TUBA8: variants seen among roughly 807,000 people sequenced by gnomAD.
TUBA8 encodes tubulin alpha-8 chain.
A neutral mutation model predicts 34.7 loss-of-function variants in TUBA8; 29 were observed. The ratio of observed to expected loss-of-function variants is 0.84; its 90% confidence interval spans 0.62 to 1.14. The LOEUF (loss-of-function observed/expected upper bound fraction) is 1.14. Ranked by LOEUF, TUBA8 falls within the 50% of genes most tolerant of loss-of-function variation. The pLI, the probability that TUBA8 is intolerant of heterozygous loss-of-function variation, is 0.00. For synonymous variants in TUBA8, 226 were observed against 231.2 expected (o/e 0.98, Z 0.21); for missense variants, 541 against 599.2 (o/e 0.90, Z 1.01).
intron 1 of TUBA8, chr22:18,112,968 C>G (rs1927857854): frequency 6.6e-6 from 1 of 152,270 alleles, no homozygotes. Flanking sequence ...GGCTGCTGTC[C>G]TGTCCCCTTC....
In TUBA8 at chr22:18,119,902, C is replaced by T. The variant is rs995921004; in HGVS notation, c.4-1577C>T. 4 of 152,260 alleles carry T rather than the reference C, an allele frequency of 2.6e-5. No individual in the cohort carries two copies. Among genetic ancestry groups the T allele is most frequent in the East Asian group, 1.9e-4 (1 of 5,194 alleles). 9.4% of individuals were successfully genotyped at this position (152,260 alleles called of 1,614,324 possible). A position where few individuals can be genotyped will look rare whatever the true frequency, so the allele number is the denominator to read the frequency against. The stretch of plus-strand genomic sequence containing the variant: ...GGCTCTGCCCCTGGCTTGGGTTACC[C>T]GGAGCTGGAAAATGCCAGGGCAGGT... On this transcript the variant is annotated intron_variant, in intron 1 of 4. Transcript: ENST00000330423. This position sits in a 1 kb window ranked among gnomAD's most constrained non-coding sequence, Gnocchi z 5.9.
At position 18,111,100 on chromosome 22, in the gene TUBA8, A is replaced by G; in HGVS notation, c.3+232A>G. 1 of 637,484 alleles carries G rather than the reference A, an allele frequency of 1.6e-6. No homozygotes were observed. Among genetic ancestry groups the G allele is most frequent in the Non-Finnish European group, 2.7e-6 (1 of 372,496 alleles). 39.5% of individuals were successfully genotyped at this position (637,484 alleles called of 1,614,324 possible). On this transcript the variant is annotated intron_variant, in intron 1 of 4. Coordinates refer to ENST00000330423, the MANE Select transcript of TUBA8 (RefSeq NM_018943.3). This position sits in a 1 kb window ranked among gnomAD's most constrained non-coding sequence, Gnocchi z 5.1. The stretch of plus-strand genomic sequence containing the variant: ...GCCAGTTGTTCCTTAAAGGGACCTA[A>G]GGGAGCTTTGCGTGCAGACGAGGGG...
At chr22:18,116,465 C>T (rs944671953) in intron 1 of TUBA8, 3 of 152,162 alleles carry the variant, frequency 2.0e-5, no homozygotes, top group African/African-American at 4.8e-5. Flanking sequence ...TGAATTTGTC[C>T]CTTTTCCTCT....
Position 18,111,120 on chromosome 22 carries a change from G to T in TUBA8, c.3+252G>T, listed in dbSNP as rs934861761. The T allele has an allele frequency of 6.7e-6, 4 of 596,278 alleles. No individual in the cohort carries two copies. Among genetic ancestry groups the T allele is most frequent in the South Asian group, 2.1e-5 (1 of 47,294 alleles). 36.9% of individuals were successfully genotyped at this position (596,278 alleles called of 1,614,324 possible). A position where few individuals can be genotyped will look rare whatever the true frequency, so the allele number is the denominator to read the frequency against. ...ACCTAAGGGAGCTTTGCGTGCAGAC[G>T]AGGGGGAGGGAGGCCCTGGGGAGCC... On this transcript the variant is annotated intron_variant, in intron 1 of 4. Transcript: ENST00000330423. This position sits in a 1 kb window ranked among gnomAD's most constrained non-coding sequence, Gnocchi z 5.1.
Position 18,126,690 on chromosome 22 carries a change from A to G in TUBA8, c.712A>G (p.Ile238Val), listed in dbSNP as rs557317819. Residue 238 changes from isoleucine to valine, a missense_variant, in exon 4 of 5, where the codon ATC (isoleucine) becomes GTC (valine). Coordinates refer to ENST00000330423, the MANE Select transcript of TUBA8 (RefSeq NM_018943.3). The surrounding 1 kb of genome is among the most constrained non-coding windows in gnomAD (Gnocchi z 4.0). ...NRLISQIVSS[I>V]TASLRFDGAL... ...CCTCATCAGTCAGATTGTGTCCTCA[A>G]TCACTGCTTCTCTCCGCTTTGACGG... 4.3e-6 allele frequency: 7 copies of G among 1,614,070 alleles called. No individual in the cohort carries two copies. The African/African-American group carries it at 8.0e-5, about 18-fold the overall frequency.
At position 18,126,822 on chromosome 22, in the gene TUBA8, T is replaced by C; in HGVS notation, c.844T>C (p.Tyr282His). ...GCCCATCATCTCTGCCGAGAAAGCC[T>C]ATCACGAACAGCTCTCTGTGGCCGA... ...YAPIISAEKA[Y>H]HEQLSVAEIT... The change falls in exon 4 of 5, where the codon TAT (tyrosine) becomes CAT (histidine). Residue 282 changes from tyrosine (Y) to histidine (H), a missense_variant. Coordinates refer to ENST00000330423, the MANE Select transcript of TUBA8 (RefSeq NM_018943.3). The surrounding 1 kb of genome is among the most constrained non-coding windows in gnomAD (Gnocchi z 4.0). 6.2e-7 allele frequency: 1 copy of C among 1,613,596 alleles called. No homozygotes were observed. Among genetic ancestry groups the C allele is most frequent in the Non-Finnish European group, 8.5e-7 (1 of 1,179,608 alleles).
Position 18,124,451 on chromosome 22 carries a change from G to T in TUBA8, c.375+147G>T. 1 of 971,934 alleles carries T rather than the reference G, an allele frequency of 1.0e-6. No homozygotes were observed. The highest frequency in any genetic ancestry group is 1.7e-5 in the South Asian group (1 of 57,874). 60.2% of individuals were successfully genotyped at this position (971,934 alleles called of 1,614,324 possible). On this transcript the variant is annotated intron_variant, in intron 3 of 4. Transcript: ENST00000330423. This position sits in a 1 kb window ranked among gnomAD's most constrained non-coding sequence, Gnocchi z 4.3. ...GTTTGGGAATTTCTGCTTAAATTCT[G>T]TAAGAAGCATGCACAGGGGTGATGC...
rs1891487898 is a variant in TUBA8 at position 18,124,417 on chromosome 22, G to T, written c.375+113G>T. On this transcript the variant is annotated intron_variant, in intron 3 of 4. Coordinates refer to ENST00000330423, the MANE Select transcript of TUBA8 (RefSeq NM_018943.3). The surrounding 1 kb of genome is among the most constrained non-coding windows in gnomAD (Gnocchi z 4.3). ...ATCTGACCCCTGGCTATAGGATGGA[G>T]CTCCTAAGGTTTGGGAATTTCTGCT... The T allele has an allele frequency of 7.7e-7, 1 of 1,297,624 alleles. No homozygotes were observed. Among genetic ancestry groups the T allele is most frequent in the Non-Finnish European group, 1.0e-6 (1 of 960,578 alleles). The allele number at this position is 1,297,624 out of a possible 1,614,324, so 80.4% of individuals were successfully genotyped here.
At chr22:18,127,636 G>T (rs560672828) in intron 4 of TUBA8, 1 of 147,674 alleles carries the variant, frequency 6.8e-6, no homozygotes, top group Non-Finnish European at 1.5e-5. Flanking sequence ...CTCGTGATCC[G>T]CCCGCCTTGG....
chr22:18,131,220 C>G lies in TUBA8; in HGVS notation c.*84C>G, dbSNP rs968951539. On this transcript the variant is annotated 3_prime_UTR_variant, in exon 5 of 5. Transcript: ENST00000330423. The surrounding 1 kb of genome is among the most constrained non-coding windows in gnomAD (Gnocchi z 5.3). ...GTTCAAGAGAACAGAACACTCTCCCCGCCCCAGCCTGATTCCTGCCTTACC... is the reference window on the plus strand; with the variant it reads ...GTTCAAGAGAACAGAACACTCTCCCGGCCCCAGCCTGATTCCTGCCTTACC... The G allele has an allele frequency of 6.8e-7, 1 of 1,460,962 alleles. No homozygotes were observed. Among genetic ancestry groups the G allele is most frequent in the Non-Finnish European group, 9.5e-7 (1 of 1,052,626 alleles). The allele number at this position is 1,460,962 out of a possible 1,614,324, so 90.5% of individuals were successfully genotyped here.
chr22:18,130,802 G>A (rs770861946), intron 4 of TUBA8, 41 bp from the exon 5 acceptor site: 88 of 1,612,204 alleles, frequency 5.5e-5, no homozygotes, highest in Non-Finnish European at 7.0e-5. Context: ...TGGCTGACTT[G>A]TATCTTCTTC....
chr22:18,111,024 G>A lies in TUBA8; in HGVS notation c.3+156G>A, dbSNP rs1033081289. 2 of 1,129,584 alleles carry A rather than the reference G, an allele frequency of 1.8e-6. No homozygotes were observed. Among genetic ancestry groups the A allele is most frequent in the African/African-American group, 1.5e-5 (1 of 64,568 alleles). 70.0% of individuals were successfully genotyped at this position (1,129,584 alleles called of 1,614,324 possible). On this transcript the variant is annotated intron_variant, in intron 1 of 4. Coordinates refer to ENST00000330423, the MANE Select transcript of TUBA8 (RefSeq NM_018943.3). The surrounding 1 kb of genome is among the most constrained non-coding windows in gnomAD (Gnocchi z 5.1). ...TCAGGGTCGAGGAGTCCGCACCCTC[G>A]GGCGGGAACACCCGGTGCCCTTTAT...
rs1186449426 is a variant in TUBA8, at chr22:18,111,039, G to T, written c.3+171G>T. On this transcript the variant is annotated intron_variant, in intron 1 of 4. Transcript: ENST00000330423. This position sits in a 1 kb window ranked among gnomAD's most constrained non-coding sequence, Gnocchi z 5.1. ...CCGCACCCTCGGGCGGGAACACCCG[G>T]TGCCCTTTATCGTATGGGGGAAATA... is the stretch of plus-strand genomic sequence containing the variant. The T allele has an allele frequency of 1.0e-6, 1 of 976,938 alleles. No homozygotes were observed. The highest frequency in any genetic ancestry group is 2.1e-5 in the Admixed American group (1 of 47,476). 60.5% of individuals were successfully genotyped at this position (976,938 alleles called of 1,614,324 possible).
In TUBA8 at chr22:18,121,869, G is replaced by C. The variant is rs1319082278; in HGVS notation, c.226+168G>C. 7.7e-6 allele frequency: 5 copies of C among 646,906 alleles called. No individual in the cohort carries two copies. Among genetic ancestry groups the C allele is most frequent in the African/African-American group, 1.8e-5 (1 of 55,102 alleles). The allele number at this position is 646,906 out of a possible 1,614,324, so 40.1% of individuals were successfully genotyped here. A position where few individuals can be genotyped will look rare whatever the true frequency, so the allele number is the denominator to read the frequency against. ...AGCTCCTTGGGGTCCCCACAGTCTC[G>C]GGGAATCTCATGACAGTGATCAAGA... On this transcript the variant is annotated intron_variant, in intron 2 of 4. Coordinates refer to ENST00000330423, the MANE Select transcript of TUBA8 (RefSeq NM_018943.3). This position sits in a 1 kb window ranked among gnomAD's most constrained non-coding sequence, Gnocchi z 4.8.
At position 18,130,284 on chromosome 22, in the gene TUBA8, C is replaced by A. The variant is rs114689553; in HGVS notation, c.1057-559C>A. 5.8e-3 allele frequency: 909 copies of A among 157,538 alleles called. 13 individuals are homozygous for A. The highest frequency in any genetic ancestry group is 0.021 in the African/African-American group (873 of 41,528). The allele number at this position is 157,538 out of a possible 1,614,324, so 9.8% of individuals were successfully genotyped here. The stretch of plus-strand genomic sequence containing the variant: ...ATCTAGAATGCGTTTCCCTGTTACA[C>A]ATACACATGTACCAGACACCTCCCA... On this transcript the variant is annotated intron_variant, in intron 4 of 4. Coordinates refer to ENST00000330423, the MANE Select transcript of TUBA8 (RefSeq NM_018943.3).
rs931473019 is a variant in TUBA8 at position 18,131,407 on chromosome 22, G to A, written c.*271G>A. The A allele has an allele frequency of 2.4e-5, 11 of 464,688 alleles. No individual in the cohort carries two copies. Among genetic ancestry groups the A allele is most frequent in the South Asian group, 1.5e-4 (7 of 46,408 alleles). The allele number at this position is 464,688 out of a possible 1,614,324, so 28.8% of individuals were successfully genotyped here. The stretch of plus-strand genomic sequence containing the variant: ...GAGGCTGCAGCCCAGTTTCACATGC[G>A]AGGAGGCCTAATCAGGAGTTTCAAT... On this transcript the variant is annotated 3_prime_UTR_variant, in exon 5 of 5. Transcript: ENST00000330423. This position sits in a 1 kb window ranked among gnomAD's most constrained non-coding sequence, Gnocchi z 5.3.
At chr22:18,125,969 C>T (rs1392054499) in intron 3 of TUBA8, 1 of 284,986 alleles carries the variant, frequency 3.5e-6, no homozygotes, top group African/African-American at 2.2e-5. Flanking sequence ...TCAAGTGATC[C>T]TCCCACCTCA....
intron 3 of TUBA8, chr22:18,125,671 TG>T (rs1450488865): frequency 1.3e-5 from 2 of 152,484 alleles, no homozygotes; most frequent in Non-Finnish European, 2.9e-5. Context: ...CTTCCAAGGT[TG>T]GGTTGAAGTG....
At chr22:18,123,931 C>T (rs1481901284) in intron 2 of TUBA8, 10 of 580,050 alleles carry the variant, frequency 1.7e-5, no homozygotes, top group Middle Eastern at 4.7e-4. Flanking sequence ...AGCAGGGCAG[C>T]CTGCTTCTCA....
Sources: gnomAD v4.1 joint callset for allele counts on GRCh38, gnomAD v4.1.1 for gene constraint, Gnocchi (gnomAD v3.1) non-coding constraint, MANE v1.5 for transcripts, NCBI Gene and HGNC (gene_info 2026-07-23, HGNC 2026-07-21) for gene names.